TELO2: variants seen among roughly 807,000 people sequenced by gnomAD.
TELO2 encodes telomere length regulation protein TEL2 homolog.
TELO2 carries 71 observed loss-of-function variants against 91.0 expected under a neutral mutation model. That is an observed-to-expected ratio of 0.78 (90% CI 0.64 to 0.95). TELO2 has a LOEUF of 0.95. Among genes scored for constraint, TELO2 ranks in the 40% least tolerant of loss-of-function variants. The pLI is 0.00. For missense variants in TELO2, 1,183 were observed against 1,141.3 expected, an observed-to-expected ratio of 1.04 and a Z score of -0.53; for synonymous variants, 584 against 518.9, an observed-to-expected ratio of 1.13 and a Z score of -1.71.
rs1355564666 is a variant in TELO2, at chr16:1,502,629, T to A, written c.1654-16T>A. 36 of 1,609,038 alleles carry A rather than the reference T, an allele frequency of 2.2e-5. No individual in the cohort carries two copies. The highest frequency in any genetic ancestry group is 2.9e-5 in the Non-Finnish European group (34 of 1,179,430). ...CTGGGTCCGACAGGTTTCCCAGCCCTAACCCCTGCGTGCAGGTGAGCGTGG... is the reference window on the plus strand; with the variant it reads ...CTGGGTCCGACAGGTTTCCCAGCCCAAACCCCTGCGTGCAGGTGAGCGTGG... On this transcript the variant is annotated splice_polypyrimidine_tract_variant and intron_variant, in intron 13 of 20. Transcript: ENST00000262319.
At chr16:1,504,355 A>G (rs1459179409) in intron 15 of TELO2, among the ~76,000 whole-genome samples, 3 of 134,306 alleles carry the variant, frequency 2.2e-5, no homozygotes, top group Admixed American at 8.1e-5. Flanking sequence ...AATTGCTTGG[A>G]CCTGGGAGGC....
Position 1,493,920 on chromosome 16 carries a change from C to T in TELO2, c.-37+315C>T, listed in dbSNP as rs1403288458. ...TTGGGTGCGAGGACGCGTGGGGCCG[C>T]GCTGTGCCCGGGGAACACTCACCAG... On this transcript the variant is annotated intron_variant, in intron 1 of 20. Transcript: ENST00000262319. The surrounding 1 kb of genome is among the most constrained non-coding windows in gnomAD (Gnocchi z 4.3). 6.6e-6 allele frequency among the ~76,000 whole-genome samples: 1 copy of T among 152,234 alleles called. No homozygotes were observed. Among genetic ancestry groups the T allele is most frequent in the African/African-American group, 2.4e-5 (1 of 41,460 alleles).
At chr16:1,498,017 T>TA (rs965025128) in intron 5 of TELO2, among the ~76,000 whole-genome samples, 1 of 151,774 alleles carries the variant, frequency 6.6e-6, no homozygotes, top group African/African-American at 2.4e-5. Context: ...CTCCTCTTTT[T>TA]TTTTTTTTTT....
intron 17 of TELO2, chr16:1,506,540 T>G: frequency 7.0e-7 from 1 of 1,430,812 alleles, no homozygotes; most frequent in Non-Finnish European, 9.1e-7. Flanking sequence ...ACCAGGCATC[T>G]GCTCCGATGC....
At chr16:1,507,454 G>A in intron 19 of TELO2, 84 bp downstream of exon 19, 1 of 1,554,506 alleles carries the variant, frequency 6.4e-7, no homozygotes, top group Non-Finnish European at 8.7e-7. Context: ...GAGCCTCGAG[G>A]TGGCTGACAG....
chr16:1,494,353 T>C lies in TELO2; in HGVS notation c.72T>C (p.Asp24=), dbSNP rs1275305796. 1.2e-6 allele frequency: 2 copies of C among 1,613,350 alleles called. No individual in the cohort carries two copies. Among genetic ancestry groups the C allele is most frequent in the Non-Finnish European group, 1.7e-6 (2 of 1,179,980 alleles). ...TTCATGCCCTCTCGTCTTCGGAGGATGGCGGCCACATCTTCTGCACCCTGG... is the reference window on the plus strand; with the variant it reads ...TTCATGCCCTCTCGTCTTCGGAGGACGGCGGCCACATCTTCTGCACCCTGG... ...EAIHALSSSE[D]GGHIFCTLES... is the part of the protein sequence containing the mutation. Residue 24 remains aspartate, a synonymous_variant, in exon 2 of 21, where the codon GAT becomes GAC. Coordinates refer to ENST00000262319, the MANE Select transcript of TELO2 (RefSeq NM_016111.4). This position sits in a 1 kb window ranked among gnomAD's most constrained non-coding sequence, Gnocchi z 5.6.
chr16:1,501,863 C>T, intron 11 of TELO2, 90 bp downstream of exon 11: 2 of 1,466,674 alleles, frequency 1.4e-6, no homozygotes, highest in Non-Finnish European at 1.9e-6. Context: ...GGGGGGCTCC[C>T]TGCCTGCTCC....
At chr16:1,498,500 T>C (rs1453824845) in intron 5 of TELO2, among the ~76,000 whole-genome samples, 1 of 152,090 alleles carries the variant, frequency 6.6e-6, no homozygotes, top group Non-Finnish European at 1.5e-5. Context: ...TGCAGTGGTG[T>C]GATTATAGCT....
intron 20 of TELO2, among the ~76,000 whole-genome samples, chr16:1,509,431 A>G (rs1231688507): frequency 6.6e-6 from 1 of 152,212 alleles, no homozygotes; most frequent in African/African-American, 2.4e-5. Flanking sequence ...GTGCGGTCCC[A>G]GACACCCAAG....
Position 1,510,076 on chromosome 16 carries a change from G to A in TELO2, c.*140G>A. 2.9e-6 allele frequency: 2 copies of A among 679,674 alleles called. No homozygotes were observed. Among genetic ancestry groups the A allele is most frequent in the Non-Finnish European group, 4.9e-6 (2 of 405,112 alleles). The allele number at this position is 679,674 out of a possible 1,614,324, so 42.1% of individuals were successfully genotyped here. A position where few individuals can be genotyped will look rare whatever the true frequency, so the allele number is the denominator to read the frequency against. On this transcript the variant is annotated 3_prime_UTR_variant, in exon 21 of 21. Transcript: ENST00000262319. ...GTACGGAGAGTGCAGATGCAGGAAGGCCCGGCCTGCCGCTATTTATAGTGC... is the reference window on the plus strand; with the variant it reads ...GTACGGAGAGTGCAGATGCAGGAAGACCCGGCCTGCCGCTATTTATAGTGC...
intron 16 of TELO2, 107 bp from the exon 17 acceptor site, chr16:1,506,131 A>T (rs2039884376): frequency 2.4e-6 from 3 of 1,260,096 alleles, no homozygotes; most frequent in Non-Finnish European, 3.4e-6. Context: ...CGGGGAGGCA[A>T]GGCGAGGCTG....
intron 20 of TELO2, 147 bp from the exon 21 acceptor site, chr16:1,509,683 G>A: frequency 5.8e-6 from 4 of 690,706 alleles, no homozygotes; most frequent in Non-Finnish European, 9.8e-6. Context: ...AAGGCCGTGG[G>A]GAGAGTCCGG....
Position 1,507,716 on chromosome 16 carries a change from G to T in TELO2, c.2407G>T (p.Asp803Tyr), listed in dbSNP as rs534162177. The part of the protein sequence containing the change: ...ELLEARSWLA[D>Y]VAEKDPDEDC... ...GCTGGAAGCCCGGTCCTGGCTGGCG[G>T]GTGAGTGTCGGCCTGCGGTGTGTGT... The change falls in exon 20 of 21, where the codon GAC becomes TAC. Residue 803 changes from aspartate to tyrosine, a missense_variant and splice_region_variant. Transcript: ENST00000262319. The T allele has an allele frequency of 2.7e-5, 44 of 1,600,736 alleles. No individual in the cohort carries two copies. The South Asian group carries it at 4.4e-4, about 16-fold the overall frequency.
At position 1,494,467 on chromosome 16, in the gene TELO2, C is replaced by G; in HGVS notation, c.186C>G (p.Val62=). The change falls in exon 2 of 21, where the codon GTC becomes GTG. Residue 62 remains valine, a synonymous_variant. Coordinates refer to ENST00000262319, the MANE Select transcript of TELO2 (RefSeq NM_016111.4). This position sits in a 1 kb window ranked among gnomAD's most constrained non-coding sequence, Gnocchi z 5.6. Reference sequence around the variant, plus strand: ...TTGCCTCGGCCCACTTCTCGCCTGTCCTCAGATGTCTTGCCAGCAGGCTGA... The same window carrying G: ...TTGCCTCGGCCCACTTCTCGCCTGTGCTCAGATGTCTTGCCAGCAGGCTGA... ...EEFASAHFSP[V]LRCLASRLSP... The G allele has an allele frequency of 6.2e-7, 1 of 1,613,420 alleles. No individual in the cohort carries two copies. Among genetic ancestry groups the G allele is most frequent in the Non-Finnish European group, 8.5e-7 (1 of 1,179,988 alleles).
Position 1,497,727 on chromosome 16 carries a change from G to C in TELO2, c.830+219G>C, listed in dbSNP as rs1453726961. ...TCTCTTATGAAATAGCATCGATGCTGTGAACAGCCCACACCGTAAAGGCGC... is the reference window on the plus strand; with the variant it reads ...TCTCTTATGAAATAGCATCGATGCTCTGAACAGCCCACACCGTAAAGGCGC... On this transcript the variant is annotated intron_variant, in intron 5 of 20. Transcript: ENST00000262319. The surrounding 1 kb of genome is among the most constrained non-coding windows in gnomAD (Gnocchi z 4.0). Among the ~76,000 whole-genome samples the C allele has an allele frequency of 2.6e-5, 4 of 152,208 alleles. No homozygotes were observed. Among genetic ancestry groups the C allele is most frequent in the Non-Finnish European group, 5.9e-5 (4 of 68,040 alleles).
At position 1,509,841 on chromosome 16, in the gene TELO2, A is replaced by G. The variant is rs2040069259; in HGVS notation, c.2419A>G (p.Lys807Glu). The G allele has an allele frequency of 1.9e-6, 3 of 1,612,024 alleles. No individual in the cohort carries two copies. Among genetic ancestry groups the G allele is most frequent in the Middle Eastern group, 1.7e-4 (1 of 6,060 alleles). Residue 807 changes from lysine (K) to glutamate (E), a missense_variant, in exon 21 of 21, where the codon AAA becomes GAA. By Grantham distance (56) the Lys-to-Glu change is moderately conservative. Coordinates refer to ENST00000262319, the MANE Select transcript of TELO2 (RefSeq NM_016111.4). Reference sequence around the variant, plus strand: ...CTCTCGTCTGGCAGACGTGGCTGAGAAAGACCCGGACGAGGACTGCAGGAC... The same window carrying G: ...CTCTCGTCTGGCAGACGTGGCTGAGGAAGACCCGGACGAGGACTGCAGGAC... ...ARSWLADVAE[K>E]DPDEDCRTLA...
At chr16:1,508,751 C>T (rs2040001075) in intron 20 of TELO2, among the ~76,000 whole-genome samples, 2 of 152,166 alleles carry the variant, frequency 1.3e-5, no homozygotes, top group African/African-American at 4.8e-5. Flanking sequence ...GTGGAGCCAA[C>T]GAGTCCCCGG....
At chr16:1,498,611 A>G (rs1334440013) in intron 5 of TELO2, among the ~76,000 whole-genome samples, 2 of 151,746 alleles carry the variant, frequency 1.3e-5, no homozygotes, top group South Asian at 2.1e-4. Flanking sequence ...TAATTTTTAA[A>G]TTTTTTGTAG....
Position 1,497,991 on chromosome 16 carries a change from C to T in TELO2, c.830+483C>T, listed in dbSNP as rs2039553494. Among the ~76,000 whole-genome samples, 1 of 151,900 alleles carries T rather than the reference C, an allele frequency of 6.6e-6. No individual in the cohort carries two copies. Among genetic ancestry groups the T allele is most frequent in the South Asian group, 2.1e-4 (1 of 4,804 alleles). On this transcript the variant is annotated intron_variant, in intron 5 of 20. Transcript: ENST00000262319. The surrounding 1 kb of genome is among the most constrained non-coding windows in gnomAD (Gnocchi z 4.0). The stretch of plus-strand genomic sequence containing the variant: ...AACGTGTGCAAGGACATACCTGTCT[C>T]TGCCCAAAGTATTTCCTCCTCTTTT...
Sources: allele counts gnomAD v4.1 joint callset (sites outside exome capture counted in the v4.1 genomes callset), GRCh38; gene constraint gnomAD v4.1.1; non-coding constraint Gnocchi (gnomAD v3.1); transcripts MANE v1.5; gene names NCBI Gene and HGNC (gene_info 2026-07-23, HGNC 2026-07-21).